Variants in PCDH15 observed in about 807,000 individuals in gnomAD.
PCDH15 encodes the protein protocadherin-15.
PCDH15 carries 129 observed loss-of-function variants against 178.5 expected under a neutral mutation model. That is an observed-to-expected ratio of 0.72 (90% confidence interval 0.63 to 0.84). PCDH15 has a LOEUF of 0.84. Ranked by LOEUF, PCDH15 falls within the 40% of genes least tolerant of loss-of-function variation. The pLI is 0.00. For missense variants in PCDH15, 2,230 were observed against 2,099.9 expected (o/e 1.06, Z -1.21); for synonymous variants, 800 against 732.0 (o/e 1.09, Z -1.50).
chr10:54,324,651 C>G (rs1156422765), intron 7 of PCDH15, among the ~76,000 whole-genome samples: 1 of 151,936 alleles, frequency 6.6e-6, no homozygotes, highest in Non-Finnish European at 1.5e-5. Context: ...CCTGTAATAC[C>G]AACTACTCGG....
intron 3 of PCDH15, among the ~76,000 whole-genome samples, chr10:54,853,208 C>T (rs140106862): frequency 0.033 from 4,828 of 146,682 alleles, 231 homozygotes; most frequent in African/African-American, 0.11. Context: ...TGTAGTGAGC[C>T]GAGATTACAC....
intron 1 of PCDH15, among the ~76,000 whole-genome samples, chr10:55,190,632 A>G (rs1304867838): frequency 3.3e-5 from 5 of 151,790 alleles, no homozygotes; most frequent in Admixed American, 1.3e-4. Context: ...TGTTCTCTAA[A>G]TTACACATTA....
At chr10:55,560,688 A>G (rs1589138645) in intron 2 of PCDH15, among the ~76,000 whole-genome samples, 1 of 151,918 alleles carries the variant, frequency 6.6e-6, no homozygotes. Flanking sequence ...AATGATCTTC[A>G]AACTTTCTCT....
At chr10:55,061,015 T>A (rs1183612394) in intron 2 of PCDH15, among the ~76,000 whole-genome samples, 2 of 152,016 alleles carry the variant, frequency 1.3e-5, no homozygotes, top group Non-Finnish European at 2.9e-5. Context: ...AACTTTGGGG[T>A]TGGCAATGAT....
intron 1 of PCDH15, among the ~76,000 whole-genome samples, chr10:54,764,962 G>A (rs561578344): frequency 6.6e-6 from 1 of 152,162 alleles, no homozygotes; most frequent in South Asian, 2.1e-4. Context: ...AAATATTTCT[G>A]TATCCTAACT....
intron 3 of PCDH15, among the ~76,000 whole-genome samples, chr10:54,844,522 A>T (rs1953471489): frequency 6.6e-6 from 1 of 151,702 alleles, no homozygotes; most frequent in Non-Finnish European, 1.5e-5. Context: ...GATGGGATGG[A>T]TTCACATATA....
chr10:54,079,371 T>C lies in PCDH15; in HGVS notation c.2051A>G (p.Tyr684Cys), dbSNP rs372076259. Residue 684 changes from tyrosine to cysteine, a missense_variant, in exon 17 of 38, where the codon TAC (tyrosine) becomes TGC (cysteine). Coordinates refer to ENST00000644397, the MANE Select transcript of PCDH15 (RefSeq NM_001384140.1). ...ATCTGAAGCTGTGATGATCAGAATGTAGCGATCAGTGCTTTCCCTGTCCAG... is the reference window on the plus strand; with the variant it reads ...ATCTGAAGCTGTGATGATCAGAATGCAGCGATCAGTGCTTTCCCTGTCCAG... The part of the protein sequence containing the change: ...KALDRESTDR[Y>C]ILIITASDGR... 24 of 1,614,028 alleles carry C rather than the reference T, an allele frequency of 1.5e-5. No homozygotes were observed. Among genetic ancestry groups the C allele is most frequent in the African/African-American group, 1.2e-4 (9 of 74,934 alleles).
chr10:54,636,642 A>T (rs2093860160), intron 2 of PCDH15, among the ~76,000 whole-genome samples: 1 of 151,960 alleles, frequency 6.6e-6, no homozygotes, highest in Non-Finnish European at 1.5e-5. Flanking sequence ...AAACAGAAAG[A>T]AGGGGAAAGA....
At chr10:54,750,092 C>CTG (rs921231933) in intron 1 of PCDH15, among the ~76,000 whole-genome samples, 1 of 151,870 alleles carries the variant, frequency 6.6e-6, no homozygotes, top group Admixed American at 6.6e-5. Flanking sequence ...CGCCCTTGCT[C>CTG]TGTCTCTCTT....
intron 18 of PCDH15, among the ~76,000 whole-genome samples, chr10:54,051,277 A>G (rs1197243944): frequency 6.6e-6 from 1 of 152,188 alleles, no homozygotes; most frequent in East Asian, 1.9e-4. Flanking sequence ...GGGGGCTCAG[A>G]AGAAGATCTA....
chr10:54,262,017 C>T (rs949576180), intron 8 of PCDH15, among the ~76,000 whole-genome samples: 1 of 152,074 alleles, frequency 6.6e-6, no homozygotes, highest in Admixed American at 6.5e-5. Context: ...TTGAACAAAC[C>T]CAAGGAAGGG....
chr10:54,308,292 A>C (rs1032408439), intron 8 of PCDH15, among the ~76,000 whole-genome samples: 2 of 152,136 alleles, frequency 1.3e-5, no homozygotes, highest in African/African-American at 4.8e-5. Context: ...ATAGAAAAAA[A>C]TAGCTCAAAG....
chr10:55,448,545 T>C (rs1441774704), intron 2 of PCDH15, among the ~76,000 whole-genome samples: 1 of 152,022 alleles, frequency 6.6e-6, no homozygotes, highest in African/African-American at 2.4e-5. Context: ...ACTTGAGAAT[T>C]TTTGATTAAG....
rs367763010 is a variant in PCDH15, at chr10:55,462,708, C to A, written c.-156+164917G>T. On this transcript the variant is annotated intron_variant, in intron 2 of 5. Transcript: ENST00000613346. The stretch of plus-strand genomic sequence containing the variant: ...ATTGGGTCAAACTTAATTACATCAG[C>A]AGCCTTGTGTGATCAATACAACAAT... 1.6e-4 allele frequency among the ~76,000 whole-genome samples: 25 copies of A among 152,200 alleles called. No individual in the cohort carries two copies. In the South Asian group the frequency reaches 4.6e-3, roughly 28 times the overall value.
At chr10:55,514,610 G>A (rs900324415) in intron 2 of PCDH15, among the ~76,000 whole-genome samples, 2 of 152,162 alleles carry the variant, frequency 1.3e-5, no homozygotes, top group Non-Finnish European at 2.9e-5. Context: ...CAGACTGAGT[G>A]GGGAAACCCA....
Position 54,570,805 on chromosome 10 carries a change from C to T in PCDH15, c.92-42928G>A, listed in dbSNP as rs181866027. On this transcript the variant is annotated intron_variant, in intron 2 of 37. Coordinates refer to ENST00000644397, the MANE Select transcript of PCDH15 (RefSeq NM_001384140.1). ...GTAGCTGGGATGCAGGCATGTGCCA[C>T]CACGCCTGGCTATTTTTTTTTTTCT... Among the ~76,000 whole-genome samples, 644 of 147,078 alleles carry T rather than the reference C, an allele frequency of 4.4e-3. 5 individuals carry two copies. Among genetic ancestry groups the T allele is most frequent in the African/African-American group, 0.016 (622 of 40,054 alleles).
chr10:55,140,830 T>C (rs1410487109), intron 2 of PCDH15, among the ~76,000 whole-genome samples: 1 of 152,006 alleles, frequency 6.6e-6, no homozygotes, highest in East Asian at 1.9e-4. Flanking sequence ...GGTTTGTTTC[T>C]TGAGCAATGG....
intron 25 of PCDH15, among the ~76,000 whole-genome samples, chr10:53,935,137 T>C (rs138426614): frequency 1.3e-5 from 2 of 152,046 alleles, no homozygotes; most frequent in Non-Finnish European, 2.9e-5. Flanking sequence ...TTTACAGTAA[T>C]GCTTCAAAGA....
At chr10:55,215,322 TCA>T (rs1840674695) in intron 1 of PCDH15, among the ~76,000 whole-genome samples, 1 of 152,150 alleles carries the variant, frequency 6.6e-6, no homozygotes, top group African/African-American at 2.4e-5. Context: ...AAGTGATAAT[TCA>T]GTGTGTACTT....
Sources: allele counts gnomAD v4.1 joint callset (sites outside exome capture counted in the v4.1 genomes callset), GRCh38; gene constraint gnomAD v4.1.1; transcripts MANE v1.5; gene names NCBI Gene and HGNC (gene_info 2026-07-23, HGNC 2026-07-21).